SEC63: variants seen among roughly 807,000 people sequenced by gnomAD.
SEC63 encodes SEC63 protein translocation regulator, also known as translocation protein SEC63 homolog.
In SEC63, 56 loss-of-function variants were observed where a neutral mutation model predicts 116.2. The ratio of observed to expected loss-of-function variants is 0.48; its 90% CI spans 0.39 to 0.60. The LOEUF (loss-of-function observed/expected upper bound fraction) is 0.60, where lower values mean the gene tolerates loss of function less well. Ranked by LOEUF, SEC63 falls within the 20% of genes least tolerant of loss-of-function variation. SEC63 has a pLI of 0.00. For synonymous variants in SEC63, 273 were observed against 294.6 expected, an observed-to-expected ratio of 0.93 and a Z score of 0.75; for missense variants, 668 against 900.0, an observed-to-expected ratio of 0.74 and a Z score of 3.30.
At chr6:107,956,293 T>C (rs1293090604) in intron 1 of SEC63, among the ~76,000 whole-genome samples, 1 of 152,174 alleles carries the variant, frequency 6.6e-6, no homozygotes, top group Non-Finnish European at 1.5e-5. Context: ...ACACTACCAA[T>C]TGCACACATA....
intron 11 of SEC63, 102 bp downstream of exon 11, chr6:107,904,527 G>A: frequency 1.2e-6 from 1 of 848,230 alleles, no homozygotes; most frequent in Non-Finnish European, 2.0e-6. Context: ...CACTGAACTG[G>A]CCGACAGAAG....
chr6:107,942,741 GAT>G (rs1770404413), intron 1 of SEC63, among the ~76,000 whole-genome samples: 3 of 152,022 alleles, frequency 2.0e-5, no homozygotes, highest in Non-Finnish European at 2.9e-5. Context: ...ATACACAGTT[GAT>G]TAACACATAT....
intron 1 of SEC63, chr6:107,954,687 G>A (rs1018568810): frequency 6.6e-6 from 1 of 152,080 alleles, no homozygotes; most frequent in Admixed American, 6.5e-5. Flanking sequence ...GCAAACTTCT[G>A]AAAAAAGTTC....
intron 10 of SEC63, among the ~76,000 whole-genome samples, 153 bp downstream of exon 10, chr6:107,906,295 A>G (rs575201981): frequency 2.0e-5 from 3 of 152,342 alleles, no homozygotes; most frequent in Admixed American, 6.5e-5. Context: ...CATCAGAACA[A>G]TGAGCCAATT....
At chr6:107,898,000 C>G (rs1474721661) in intron 13 of SEC63, among the ~76,000 whole-genome samples, 1 of 152,168 alleles carries the variant, frequency 6.6e-6, no homozygotes, top group Non-Finnish European at 1.5e-5. Flanking sequence ...CTTGGTGGCT[C>G]ATGCCTGTAA....
chr6:107,871,973 C>A, intron 20 of SEC63, 126 bp from the exon 21 acceptor site: 1 of 866,878 alleles, frequency 1.2e-6, no homozygotes, highest in Non-Finnish European at 1.8e-6. Context: ...GGACACAATT[C>A]TAAATTCAAC....
In SEC63 at chr6:107,943,404, T is replaced by C. The variant is rs529546815; in HGVS notation, c.125-13890A>G. Among the ~76,000 whole-genome samples, 5 of 152,364 alleles carry C rather than the reference T, an allele frequency of 3.3e-5. No homozygotes were observed. The East Asian group carries it at 9.6e-4, about 29-fold the overall frequency. On this transcript the variant is annotated intron_variant, in intron 1 of 20. Coordinates refer to ENST00000369002, the MANE Select transcript of SEC63 (RefSeq NM_007214.5). Reference sequence around the variant, plus strand: ...CTAGTATCTACATACATTTTATGCATTTATAACATACCTTTTTCTTAATTT... The same window carrying C: ...CTAGTATCTACATACATTTTATGCACTTATAACATACCTTTTTCTTAATTT...
At chr6:107,950,371 A>C (rs1770554306) in intron 1 of SEC63, among the ~76,000 whole-genome samples, 1 of 151,516 alleles carries the variant, frequency 6.6e-6, no homozygotes, top group Non-Finnish European at 1.5e-5. Flanking sequence ...AATGGATAGA[A>C]CAACCAAAAA....
chr6:107,908,755 A>T lies in SEC63; in HGVS notation c.733+172T>A, dbSNP rs545990829. Among the ~76,000 whole-genome samples, 10 of 152,338 alleles carry T rather than the reference A, an allele frequency of 6.6e-5. No homozygotes were observed. In the South Asian group the frequency reaches 1.9e-3, roughly 28 times the overall value. On this transcript the variant is annotated intron_variant, in intron 8 of 20. Transcript: ENST00000369002. ...ATGTGAATAATGAAAATATAAATTA[A>T]GAAATGTGACAAAGGGTGCTGGCAT...
intron 14 of SEC63, among the ~76,000 whole-genome samples, chr6:107,896,342 T>C (rs1231132499): frequency 1.3e-5 from 2 of 151,934 alleles, no homozygotes; most frequent in South Asian, 2.1e-4. Flanking sequence ...CACATGCCTG[T>C]AATGCCAGCT....
intron 4 of SEC63, among the ~76,000 whole-genome samples, chr6:107,915,865 G>A (rs1787389132): frequency 1.3e-5 from 2 of 152,108 alleles, no homozygotes; most frequent in South Asian, 4.1e-4. Context: ...ATTTATGCAA[G>A]TTACATAATC....
At chr6:107,901,049 TATCTC>T (rs967757241) in intron 13 of SEC63, among the ~76,000 whole-genome samples, 12 of 152,200 alleles carry the variant, frequency 7.9e-5, no homozygotes, top group African/African-American at 2.4e-4. Context: ...ATACTTCAAA[TATCTC>T]ATTCTTTTAT....
chr6:107,881,218 T>C lies in SEC63; in HGVS notation c.1866A>G (p.Arg622=). The C allele has an allele frequency of 6.2e-7, 1 of 1,613,118 alleles. No homozygotes were observed. Among genetic ancestry groups the C allele is most frequent in the Non-Finnish European group, 8.5e-7 (1 of 1,179,648 alleles). Residue 622 remains arginine (R), a synonymous_variant, in exon 18 of 21, where the codon CGA becomes CGG. Transcript: ENST00000369002. ...TGGTTTCCAATAGAGCTCTCTCTTT[T>C]CGCTGTATGCTTTGTTGTAATTCTT... The part of the protein sequence containing the change: ...EWQELQQSIQ[R]KERALLETKS...
intron 19 of SEC63, 51 bp from the exon 20 acceptor site, chr6:107,872,963 C>T (rs1298788678): frequency 1.7e-6 from 2 of 1,173,906 alleles, no homozygotes. Flanking sequence ...GAGGAAACAG[C>T]TCACTCCCTA....
At chr6:107,879,906 T>G (rs1213512847) in intron 18 of SEC63, among the ~76,000 whole-genome samples, 1 of 152,118 alleles carries the variant, frequency 6.6e-6, no homozygotes, top group Non-Finnish European at 1.5e-5. Flanking sequence ...TAAAATGTTC[T>G]GAGGGAGTGA....
intron 1 of SEC63, among the ~76,000 whole-genome samples, chr6:107,953,876 G>C (rs7775706): frequency 0.015 from 1,820 of 118,708 alleles, 8 homozygotes; most frequent in Non-Finnish European, 0.022. Flanking sequence ...CCAGCCGCCC[G>C]GTCCGGGAGG....
chr6:107,868,590 A>G lies in SEC63; in HGVS notation c.*3114T>C, dbSNP rs191015128. 1 of 152,236 alleles carries G rather than the reference A, an allele frequency of 6.6e-6. No homozygotes were observed. Among genetic ancestry groups the G allele is most frequent in the Admixed American group, 6.5e-5 (1 of 15,286 alleles). 9.4% of individuals were successfully genotyped at this position (152,236 alleles called of 1,614,324 possible). A position where few individuals can be genotyped will look rare whatever the true frequency, so the allele number is the denominator to read the frequency against. ...GAGCGAGACTCCGTCTTAAGAAGAA[A>G]AAGAGAAAGAGAGAAAAAAAGGCCA... On this transcript the variant is annotated 3_prime_UTR_variant, in exon 21 of 21. Transcript: ENST00000369002.
At position 107,903,093 on chromosome 6, in the gene SEC63, A is replaced by G. The variant is rs567240420; in HGVS notation, c.1055-95T>C. On this transcript the variant is annotated intron_variant, in intron 11 of 20. Transcript: ENST00000369002. ...CAAAAACAAAATTCACACTAAATCC[A>G]TAACACCTCAAATTTGAGGATCATA... 1.4e-3 allele frequency: 1,706 copies of G among 1,215,918 alleles called. 3 individuals carry two copies. The highest frequency in any genetic ancestry group is 1.6e-3 in the Non-Finnish European group (1,328 of 833,832). 75.3% of individuals were successfully genotyped at this position (1,215,918 alleles called of 1,614,324 possible).
intron 1 of SEC63, among the ~76,000 whole-genome samples, chr6:107,934,616 G>A (rs1304450209): frequency 2.7e-5 from 4 of 148,726 alleles, no homozygotes; most frequent in Admixed American, 6.6e-5. Context: ...CCGTCCGGGA[G>A]GGAGGTGGGG....
Sources: allele counts gnomAD v4.1 joint callset (sites outside exome capture counted in the v4.1 genomes callset), GRCh38; gene constraint gnomAD v4.1.1; transcripts MANE v1.5; gene names NCBI Gene and HGNC (gene_info 2026-07-23, HGNC 2026-07-21).